DCAF6: variants seen among roughly 807,000 people sequenced by gnomAD.
The protein encoded by DCAF6 is DDB1- and CUL4-associated factor 6.
In DCAF6, 54 loss-of-function variants were observed where a neutral mutation model predicts 125.1. The observed-to-expected ratio is 0.43, with a 90% CI of 0.35 to 0.54. The LOEUF (loss-of-function observed/expected upper bound fraction) is 0.54, where lower values mean the gene tolerates loss of function less well. Among genes scored for constraint, DCAF6 ranks in the 20% least tolerant of loss-of-function variants. The pLI, the probability that DCAF6 is intolerant of heterozygous loss-of-function variation, is 0.01. For missense variants in DCAF6, 934 were observed against 1,161.7 expected, an observed-to-expected ratio of 0.80 and a Z score of 2.85; for synonymous variants, 371 against 390.4, an observed-to-expected ratio of 0.95 and a Z score of 0.58.
At chr1:167,924,010 G>C in the DCAF6 span, among the ~76,000 whole-genome samples, 1 of 152,228 alleles carries the variant, frequency 6.6e-6, no homozygotes, top group African/African-American at 2.4e-5. Flanking sequence ...CTTTGGGGAA[G>C]AGTAAAAGCA....
chr1:167,902,070 A>G, the DCAF6 span: 2 of 1,612,612 alleles, frequency 1.2e-6, no homozygotes, highest in East Asian at 2.2e-5. Flanking sequence ...AAAAAAAAAA[A>G]AAATTAAATC....
chr1:167,934,072 C>A (rs1670989839), upstream of DCAF6, among the ~76,000 whole-genome samples: 1 of 152,146 alleles, frequency 6.6e-6, no homozygotes, highest in South Asian at 2.1e-4. Flanking sequence ...TTTTACTACA[C>A]TGAAAAAGGG....
rs377473336 is a variant in DCAF6, at chr1:168,003,867, T to C, written c.998-3T>C. The C allele has an allele frequency of 1.9e-6, 3 of 1,609,068 alleles. No individual in the cohort carries two copies. The highest frequency in any genetic ancestry group is 1.3e-5 in the African/African-American group (1 of 74,754). On this transcript the variant is annotated splice_polypyrimidine_tract_variant and splice_region_variant and intron_variant, in intron 8 of 21. Transcript: ENST00000367840. Reference sequence around the variant, plus strand: ...CTCACTGATAAGACCTATATTGTAATAGGAGAGCAGAGTCCCAATGTGTCA... The same window carrying C: ...CTCACTGATAAGACCTATATTGTAACAGGAGAGCAGAGTCCCAATGTGTCA...
At chr1:167,938,732 A>T (rs746801998) in intron 1 of DCAF6, among the ~76,000 whole-genome samples, 1 of 152,236 alleles carries the variant, frequency 6.6e-6, no homozygotes, top group Non-Finnish European at 1.5e-5. Flanking sequence ...CAGTTTAAGT[A>T]CTTGTATATA....
intron 2 of DCAF6, among the ~76,000 whole-genome samples, chr1:167,961,996 G>A (rs539981833): frequency 6.6e-6 from 1 of 151,984 alleles, no homozygotes; most frequent in Non-Finnish European, 1.5e-5. Context: ...TGTATTTTGG[G>A]ATTTTCCAGT....
At chr1:167,997,635 A>G (rs1047070043) in intron 7 of DCAF6, among the ~76,000 whole-genome samples, 1 of 152,112 alleles carries the variant, frequency 6.6e-6, no homozygotes, top group African/African-American at 2.4e-5. Flanking sequence ...AAACCTGTTT[A>G]ATTTTCAGGA....
chr1:168,003,532 C>A (rs894986515), intron 8 of DCAF6, among the ~76,000 whole-genome samples: 2 of 152,084 alleles, frequency 1.3e-5, no homozygotes, highest in Non-Finnish European at 2.9e-5. Flanking sequence ...ACTTAGAATT[C>A]ATGAGCCTTT....
the DCAF6 span, chr1:167,899,449 T>G: frequency 2.5e-6 from 4 of 1,614,180 alleles, no homozygotes; most frequent in South Asian, 2.2e-5. Flanking sequence ...TCTGGAACAC[T>G]CTCAATTTCA....
At chr1:167,919,354 A>T in the DCAF6 span, among the ~76,000 whole-genome samples, 1 of 152,230 alleles carries the variant, frequency 6.6e-6, no homozygotes, top group Non-Finnish European at 1.5e-5. Flanking sequence ...GTATAAAAGC[A>T]TAAGAAGGAA....
chr1:167,893,331 C>T, the DCAF6 span, among the ~76,000 whole-genome samples: 1 of 152,104 alleles, frequency 6.6e-6, no homozygotes, highest in South Asian at 2.1e-4. Flanking sequence ...CTATTTTATG[C>T]CTGTTGTCAT....
chr1:167,903,112 TG>T, the DCAF6 span, among the ~76,000 whole-genome samples: 3,643 of 148,344 alleles, frequency 0.025, 130 homozygotes, highest in African/African-American at 0.085. Context: ...ACAAAATTGC[TG>T]GGCATGGTGG....
chr1:167,990,846 T>G (rs1448940525), intron 5 of DCAF6, among the ~76,000 whole-genome samples: 1 of 152,188 alleles, frequency 6.6e-6, no homozygotes, highest in Non-Finnish European at 1.5e-5. Flanking sequence ...AGTTTAGTAT[T>G]TTCATATTTT....
the DCAF6 span, among the ~76,000 whole-genome samples, chr1:167,906,693 G>A: frequency 6.6e-6 from 1 of 152,062 alleles, no homozygotes; most frequent in African/African-American, 2.4e-5. Context: ...GGAGGCTGAG[G>A]TGGGAGGATG....
chr1:167,903,765 C>T, the DCAF6 span: 1 of 735,226 alleles, frequency 1.4e-6, no homozygotes, highest in Non-Finnish European at 2.5e-6. Context: ...TGGTTTTATA[C>T]ACATTTCATG....
At chr1:167,888,732 G>A in the DCAF6 span, among the ~76,000 whole-genome samples, 1 of 151,726 alleles carries the variant, frequency 6.6e-6, no homozygotes, top group South Asian at 2.1e-4. Context: ...AAAAATTAGC[G>A]GGGCGTGGTG....
the DCAF6 span, among the ~76,000 whole-genome samples, chr1:167,874,587 C>A: frequency 9.2e-6 from 1 of 108,974 alleles, no homozygotes; most frequent in South Asian, 2.5e-4. Flanking sequence ...TTTGTCCCAA[C>A]AATTTCAGTC....
the DCAF6 span, among the ~76,000 whole-genome samples, chr1:167,888,419 T>G: frequency 3.5e-4 from 54 of 152,346 alleles, no homozygotes; most frequent in African/African-American, 1.0e-3. Flanking sequence ...CATTTTTTTT[T>G]TGTGGCCTCT....
the DCAF6 span, among the ~76,000 whole-genome samples, chr1:167,909,788 G>T: frequency 6.6e-6 from 1 of 152,140 alleles, no homozygotes; most frequent in Non-Finnish European, 1.5e-5. Flanking sequence ...ATTTTGTCAG[G>T]CTTTTCAACT....
chr1:168,004,771 A>G lies in DCAF6; in HGVS notation c.1356A>G (p.Gly452=). The part of the protein sequence containing the change: ...SEQRQSVEAS[G]HHTHHQSEFL... ...AAAGGCAGTCTGTTGAGGCATCTGG[A>G]CACCACACACATCATCAGTCTGGTG... Residue 452 remains glycine (G), a synonymous_variant, in exon 10 of 22, where the codon GGA becomes GGG. Transcript: ENST00000367840. 6.2e-7 allele frequency: 1 copy of G among 1,613,904 alleles called. No homozygotes were observed. Among genetic ancestry groups the G allele is most frequent in the Non-Finnish European group, 8.5e-7 (1 of 1,179,848 alleles).
Sources: gnomAD v4.1 joint callset for allele counts (sites outside exome capture counted in the v4.1 genomes callset) on GRCh38, gnomAD v4.1.1 for gene constraint, MANE v1.5 for transcripts, NCBI Gene and HGNC (gene_info 2026-07-23, HGNC 2026-07-21) for gene names.